Variants in PPA2 observed in about 807,000 individuals in gnomAD.
PPA2 encodes inorganic pyrophosphatase 2, mitochondrial.
In PPA2, 48 loss-of-function variants were observed where a neutral mutation model predicts 49.5. The observed-to-expected ratio is 0.97, with a 90% confidence interval of 0.77 to 1.23. PPA2 has a LOEUF of 1.23. PPA2 is among the 50% of genes most tolerant of loss of function. The pLI is 0.00. For synonymous variants in PPA2, 131 were observed against 139.9 expected, an observed-to-expected ratio of 0.94 and a Z score of 0.45; for missense variants, 429 against 410.1, an observed-to-expected ratio of 1.05 and a Z score of -0.40.
chr4:105,468,596 T>C (rs984580877), intron 1 of PPA2, among the ~76,000 whole-genome samples: 3 of 152,140 alleles, frequency 2.0e-5, no homozygotes, highest in African/African-American at 7.2e-5. Context: ...CCTTGACTAT[T>C]TGGTTTATAT....
intron 6 of PPA2, among the ~76,000 whole-genome samples, chr4:105,432,365 A>C (rs1328541627): frequency 6.6e-6 from 1 of 152,250 alleles, no homozygotes; most frequent in Non-Finnish European, 1.5e-5. Context: ...ACATTTATCA[A>C]ATTAAAGCAA....
intron 7 of PPA2, among the ~76,000 whole-genome samples, chr4:105,408,719 T>C (rs1246761989): frequency 6.6e-6 from 1 of 152,198 alleles, no homozygotes; most frequent in African/African-American, 2.4e-5. Flanking sequence ...TACAAATGAA[T>C]GCTTTCTCCC....
chr4:105,415,875 G>A (rs1422426624), intron 7 of PPA2, among the ~76,000 whole-genome samples: 10 of 152,214 alleles, frequency 6.6e-5, no homozygotes, highest in Admixed American at 6.5e-4. Flanking sequence ...AAAAGGTTAA[G>A]TAATTTGCTC....
chr4:105,371,152 G>A (rs1334733989), intron 10 of PPA2, among the ~76,000 whole-genome samples: 1 of 152,116 alleles, frequency 6.6e-6, no homozygotes, highest in Admixed American at 6.6e-5. Flanking sequence ...GAGAAGAGAG[G>A]TTTTCTTTCA....
At position 105,450,799 on chromosome 4, in the gene PPA2, G is replaced by A. The variant is rs191736887; in HGVS notation, c.268-1396C>T. Among the ~76,000 whole-genome samples, 1,067 of 152,142 alleles carry A rather than the reference G, an allele frequency of 7.0e-3. 14 individuals carry two copies. The highest frequency in any genetic ancestry group is 0.023 in the African/African-American group (972 of 41,508). On this transcript the variant is annotated intron_variant, in intron 3 of 11. Transcript: ENST00000341695. ...ATTTTTTGTATTTTTAGTAGAGACA[G>A]GGTTTCACTGTGTTAGCCAGGATGG...
intron 10 of PPA2, among the ~76,000 whole-genome samples, chr4:105,374,729 C>A (rs528237212): frequency 6.6e-6 from 1 of 152,150 alleles, no homozygotes; most frequent in Non-Finnish European, 1.5e-5. Flanking sequence ...AAGGGATTGA[C>A]ATTCTGTCAT....
chr4:105,411,132 G>A (rs1171705264), intron 7 of PPA2, among the ~76,000 whole-genome samples: 2 of 152,126 alleles, frequency 1.3e-5, no homozygotes, highest in Non-Finnish European at 2.9e-5. Context: ...ATTGGATAAA[G>A]AGTCAAGACC....
chr4:105,395,000 T>C (rs1160447602), intron 9 of PPA2, among the ~76,000 whole-genome samples: 1 of 152,110 alleles, frequency 6.6e-6, no homozygotes, highest in African/African-American at 2.4e-5. Flanking sequence ...CTAGAGGACA[T>C]TCAATCATAT....
At chr4:105,453,949 T>C (rs1166712740) in intron 2 of PPA2, 10 of 232,738 alleles carry the variant, frequency 4.3e-5, no homozygotes, top group African/African-American at 2.0e-4. Context: ...ACTGGTAGTT[T>C]CCAGTGATTA....
intron 1 of PPA2, among the ~76,000 whole-genome samples, chr4:105,471,681 C>T (rs553269319): frequency 2.0e-5 from 3 of 152,212 alleles, no homozygotes; most frequent in African/African-American, 4.8e-5. Flanking sequence ...GTTGCTTTCC[C>T]CTTACCCCAT....
At chr4:105,428,167 C>A (rs1414990821) in intron 6 of PPA2, among the ~76,000 whole-genome samples, 1 of 152,098 alleles carries the variant, frequency 6.6e-6, no homozygotes, top group Non-Finnish European at 1.5e-5. Flanking sequence ...TTTGTCACCA[C>A]GACGCCTGCT....
intron 1 of PPA2, among the ~76,000 whole-genome samples, chr4:105,463,861 TG>T (rs781132702): frequency 6.6e-6 from 1 of 152,108 alleles, no homozygotes; most frequent in Non-Finnish European, 1.5e-5. Flanking sequence ...AGATTTCAGG[TG>T]TATGAAAACA....
chr4:105,450,732 C>A (rs1353444087), intron 3 of PPA2, among the ~76,000 whole-genome samples: 6 of 151,674 alleles, frequency 4.0e-5, no homozygotes, highest in Non-Finnish European at 7.4e-5. Context: ...CTCGGCCTCC[C>A]GAGTAGCTGG....
At chr4:105,403,203 G>A (rs747118215) in intron 7 of PPA2, among the ~76,000 whole-genome samples, 1 of 151,386 alleles carries the variant, frequency 6.6e-6, no homozygotes, top group African/African-American at 2.4e-5. Flanking sequence ...TTTTTTGTTT[G>A]TTTGTTTTCC....
At position 105,411,537 on chromosome 4, in the gene PPA2, G is replaced by A. The variant is rs536492427; in HGVS notation, c.656-12373C>T. Among the ~76,000 whole-genome samples the A allele has an allele frequency of 5.9e-5, 9 of 152,276 alleles. No homozygotes were observed. In the South Asian group the frequency reaches 1.9e-3, roughly 32 times the overall value. On this transcript the variant is annotated intron_variant, in intron 7 of 11. Coordinates refer to ENST00000341695, the MANE Select transcript of PPA2 (RefSeq NM_176869.3). Reference sequence around the variant, plus strand: ...CCCCTGGAAAATCAGCACAAGACAAGGATGTCCTCTCTCACCACTCCTATT... The same window carrying A: ...CCCCTGGAAAATCAGCACAAGACAAAGATGTCCTCTCTCACCACTCCTATT...
intron 11 of PPA2, chr4:105,370,500 G>T: frequency 1.5e-6 from 1 of 657,562 alleles, no homozygotes; most frequent in Non-Finnish European, 1.9e-6. Flanking sequence ...ATTAAAAAAA[G>T]ATAAATATCT....
At chr4:105,382,162 T>C (rs1405125166) in intron 10 of PPA2, among the ~76,000 whole-genome samples, 1 of 152,076 alleles carries the variant, frequency 6.6e-6, no homozygotes, top group African/African-American at 2.4e-5. Flanking sequence ...CTAATTTATT[T>C]ATAAGTACTT....
intron 7 of PPA2, among the ~76,000 whole-genome samples, chr4:105,419,374 T>C (rs2110262982): frequency 6.6e-6 from 1 of 152,330 alleles, no homozygotes; most frequent in East Asian, 1.9e-4. Context: ...ATTCTCACTG[T>C]TCAACTCCCA....
intron 7 of PPA2, among the ~76,000 whole-genome samples, chr4:105,410,103 C>T (rs2713876): frequency 0.61 from 92,103 of 152,040 alleles, 27,903 homozygotes; most frequent in East Asian, 0.68. Flanking sequence ...AGGTCAGTAA[C>T]AACAAACTTC....
Sources: allele counts gnomAD v4.1 joint callset (sites outside exome capture counted in the v4.1 genomes callset), GRCh38; gene constraint gnomAD v4.1.1; transcripts MANE v1.5; gene names NCBI Gene and HGNC (gene_info 2026-07-23, HGNC 2026-07-21).